The following CAST variants were observed in gnomAD, a reference collection of about 807,000 sequenced individuals.
CAST encodes the protein MIR583 host.
A neutral mutation model predicts 119.6 loss-of-function variants in CAST; 76 were observed. The observed-to-expected ratio is 0.64, with a 90% confidence interval of 0.53 to 0.77. CAST has a LOEUF of 0.77. Ranked by LOEUF, CAST falls within the 30% of genes least tolerant of loss-of-function variation. The probability of loss-of-function intolerance (pLI) is 0.00; values close to 1 mark genes in which losing one functional copy is unlikely to be tolerated. For synonymous variants in CAST, 319 were observed against 331.6 expected, an observed-to-expected ratio of 0.96 and a Z score of 0.41; for missense variants, 953 against 946.5, an observed-to-expected ratio of 1.01 and a Z score of -0.09.
the CAST span, among the ~76,000 whole-genome samples, chr5:96,376,040 T>TATC: frequency 5.3e-5 from 8 of 151,204 alleles, no homozygotes; most frequent in East Asian, 1.5e-3. Context: ...CACATGCTAA[T>TATC]ATCATGGTAT....
rs759466057 is a variant in CAST at position 96,567,559 on chromosome 5, G to A, written c.60+37679G>A. ...TCCTCCATAAAGGTGTTCTCTGAGGGGCTGCTGCTTGTGTAAACAGGGACT... is the reference window on the plus strand; with the variant it reads ...TCCTCCATAAAGGTGTTCTCTGAGGAGCTGCTGCTTGTGTAAACAGGGACT... On this transcript the variant is annotated intron_variant, in intron 1 of 11. Coordinates refer to the CAST transcript ENST00000505143. Among the ~76,000 whole-genome samples the A allele has an allele frequency of 8.0e-4, 121 of 152,124 alleles. 1 individual carries two copies. Among genetic ancestry groups the A allele is most frequent in the Non-Finnish European group, 1.5e-3 (105 of 68,004 alleles).
chr5:96,703,793 A>T (rs1754377901), intron 3 of CAST, among the ~76,000 whole-genome samples: 1 of 151,068 alleles, frequency 6.6e-6, no homozygotes, highest in Non-Finnish European at 1.5e-5. Context: ...CAGAGGAAAA[A>T]CCTCTGCATT....
At chr5:96,361,579 G>A in the CAST span, among the ~76,000 whole-genome samples, 2 of 152,152 alleles carry the variant, frequency 1.3e-5, no homozygotes, top group Non-Finnish European at 2.9e-5. Context: ...CCCTTGGCTA[G>A]GGGAGGGAGT....
the CAST span, among the ~76,000 whole-genome samples, chr5:96,375,912 T>TAAA: frequency 6.8e-6 from 1 of 146,588 alleles, no homozygotes; most frequent in Non-Finnish European, 1.5e-5. Flanking sequence ...TATATATATA[T>TAAA]AAATATATAA....
chr5:96,597,426 T>C (rs1319296080), intron 1 of CAST, among the ~76,000 whole-genome samples: 1 of 152,198 alleles, frequency 6.6e-6, no homozygotes, highest in East Asian at 1.9e-4. Flanking sequence ...TGGACGTAAT[T>C]ATACAAACTG....
At chr5:96,509,888 T>G in the CAST span, among the ~76,000 whole-genome samples, 2 of 152,246 alleles carry the variant, frequency 1.3e-5, no homozygotes, top group Admixed American at 1.3e-4. Flanking sequence ...AACAAAGAGA[T>G]GCTAACAATG....
At chr5:96,700,067 A>G (rs754926976) in intron 3 of CAST, among the ~76,000 whole-genome samples, 1 of 152,104 alleles carries the variant, frequency 6.6e-6, no homozygotes, top group Non-Finnish European at 1.5e-5. Context: ...CCAGGTTCTT[A>G]CTTTTCTCAT....
chr5:96,187,507 TG>T, the CAST span, among the ~76,000 whole-genome samples: 1 of 152,234 alleles, frequency 6.6e-6, no homozygotes, highest in Non-Finnish European at 1.5e-5. Context: ...TTCTTAACAC[TG>T]CTTTAGCTGT....
chr5:96,467,186 C>A, the CAST span, among the ~76,000 whole-genome samples: 1 of 151,628 alleles, frequency 6.6e-6, no homozygotes, highest in Non-Finnish European at 1.5e-5. Flanking sequence ...TGGTTTTGCC[C>A]CTTTGTCCCT....
intron 1 of CAST, among the ~76,000 whole-genome samples, chr5:96,579,078 C>T (rs192097736): frequency 2.0e-3 from 304 of 152,322 alleles, no homozygotes; most frequent in Non-Finnish European, 3.5e-3. Context: ...GTCTCAGGGA[C>T]AAAGAGGCTT....
At chr5:96,412,752 G>GTTTTTTTTTTTTTTTTT in the CAST span, among the ~76,000 whole-genome samples, 73 of 71,800 alleles carry the variant, frequency 1.0e-3, 12 homozygotes, top group African/African-American at 5.4e-3. Context: ...CAGCTGTGAT[G>GTTTTTTTTTTTTTTTTT]TTTTTTTTTT....
At chr5:96,258,977 G>T in the CAST span, among the ~76,000 whole-genome samples, 1 of 152,214 alleles carries the variant, frequency 6.6e-6, no homozygotes, top group Admixed American at 6.5e-5. Flanking sequence ...TAAATCCCAA[G>T]TGGGAAGAGG....
the CAST span, among the ~76,000 whole-genome samples, chr5:96,232,794 A>G: frequency 6.6e-6 from 1 of 152,074 alleles, no homozygotes; most frequent in Non-Finnish European, 1.5e-5. Context: ...TTCTAAGCCA[A>G]TTGGAGAGCA....
At chr5:96,421,774 C>T in the CAST span, 1 of 784,130 alleles carries the variant, frequency 1.3e-6, no homozygotes, top group African/African-American at 1.7e-5. Flanking sequence ...TGTGCATTAA[C>T]ATTTCCTGAG....
chr5:96,412,751 T>TG, the CAST span, among the ~76,000 whole-genome samples: 2 of 120,864 alleles, frequency 1.7e-5, no homozygotes, highest in Admixed American at 9.4e-5. Flanking sequence ...GCAGCTGTGA[T>TG]GTTTTTTTTT....
At chr5:96,716,217 G>A (rs1007538459) in intron 3 of CAST, among the ~76,000 whole-genome samples, 2 of 152,178 alleles carry the variant, frequency 1.3e-5, no homozygotes, top group African/African-American at 4.8e-5. Flanking sequence ...CCCCTTGTGA[G>A]CAGCCTTGTT....
chr5:96,487,526 G>A, the CAST span, among the ~76,000 whole-genome samples: 1 of 152,172 alleles, frequency 6.6e-6, no homozygotes, highest in African/African-American at 2.4e-5. Flanking sequence ...GTTAAAGTGA[G>A]TTGGTCCATG....
At chr5:96,254,660 CT>C in the CAST span, among the ~76,000 whole-genome samples, 2 of 152,046 alleles carry the variant, frequency 1.3e-5, no homozygotes, top group East Asian at 3.9e-4. Context: ...TTAAAATGTG[CT>C]TTGAATTTTA....
At chr5:96,765,815 AT>A (rs1466394760) in intron 26 of CAST, among the ~76,000 whole-genome samples, 1 of 90,370 alleles carries the variant, frequency 1.1e-5, no homozygotes, top group Non-Finnish European at 3.2e-5. Flanking sequence ...TCCATTTAAA[AT>A]ATAGCTAGAA....
Sources: gnomAD v4.1 joint callset for allele counts (sites outside exome capture counted in the v4.1 genomes callset) on GRCh38, gnomAD v4.1.1 for gene constraint, MANE v1.5 for transcripts, NCBI Gene and HGNC (gene_info 2026-07-23, HGNC 2026-07-21) for gene names.